The following NFIB variants were observed in gnomAD, a reference collection of about 807,000 sequenced individuals.
NFIB encodes nuclear factor I B, also known as nuclear factor 1 B-type.
Under a neutral mutation model 61.5 loss-of-function variants are expected in NFIB, and 11 were observed. The ratio of observed to expected loss-of-function variants is 0.18; its 90% CI spans 0.11 to 0.30. The LOEUF (loss-of-function observed/expected upper bound fraction) is 0.30. Ranked by LOEUF, NFIB falls within the 10% of genes least tolerant of loss-of-function variation. NFIB has a pLI of 1.00. For synonymous variants in NFIB, 260 were observed against 216.5 expected, an observed-to-expected ratio of 1.20 and a Z score of -1.76; for missense variants, 471 against 608.9, an observed-to-expected ratio of 0.77 and a Z score of 2.38.
At chr9:14,513,862 T>C in the NFIB span, among the ~76,000 whole-genome samples, 2 of 152,142 alleles carry the variant, frequency 1.3e-5, no homozygotes, top group Admixed American at 1.3e-4. Flanking sequence ...TAATGTCCAC[T>C]TCAGAGTTTT....
intron 10 of NFIB, among the ~76,000 whole-genome samples, chr9:14,106,292 TC>T (rs1461157272): frequency 6.6e-6 from 1 of 152,110 alleles, no homozygotes; most frequent in Non-Finnish European, 1.5e-5. Context: ...AAATGCACAC[TC>T]ATATAAATCA....
At chr9:14,167,360 T>A (rs775766167) in intron 3 of NFIB, among the ~76,000 whole-genome samples, 2 of 152,022 alleles carry the variant, frequency 1.3e-5, no homozygotes, top group Admixed American at 1.3e-4. Context: ...CTGGACAACA[T>A]AGCGAAACCC....
the NFIB span, among the ~76,000 whole-genome samples, chr9:14,514,001 G>A: frequency 0.057 from 8,696 of 152,066 alleles, 275 homozygotes; most frequent in Non-Finnish European, 0.066. Context: ...TCTGAATGTC[G>A]CTTACCTCAG....
the NFIB span, among the ~76,000 whole-genome samples, chr9:14,434,823 T>C: frequency 2.0e-4 from 31 of 152,238 alleles, no homozygotes; most frequent in Non-Finnish European, 2.2e-4. Context: ...TGCACAGGAA[T>C]ACCTAATCAA....
chr9:14,434,934 G>A, the NFIB span, among the ~76,000 whole-genome samples: 1 of 152,334 alleles, frequency 6.6e-6, no homozygotes, highest in Middle Eastern at 3.4e-3. Context: ...AGAACCTCAT[G>A]CATGTATTGA....
chr9:14,172,149 G>A (rs2045634419), intron 3 of NFIB, among the ~76,000 whole-genome samples: 2 of 152,226 alleles, frequency 1.3e-5, no homozygotes, highest in African/African-American at 4.8e-5. Flanking sequence ...AGTGGGGACA[G>A]AAGCTGAGAA....
chr9:14,121,801 A>G (rs1176640915), intron 7 of NFIB, among the ~76,000 whole-genome samples: 6 of 152,168 alleles, frequency 3.9e-5, no homozygotes, highest in Non-Finnish European at 8.8e-5. Flanking sequence ...TATAAAACAC[A>G]TGCAATGTGG....
chr9:14,227,216 T>C (rs2052545278), intron 2 of NFIB, among the ~76,000 whole-genome samples: 1 of 151,622 alleles, frequency 6.6e-6, no homozygotes, highest in Non-Finnish European at 1.5e-5. Flanking sequence ...AGAAAACTAC[T>C]ACCAATTTTA....
rs916553220 is a variant in NFIB at position 14,294,267 on chromosome 9, A to G, written c.562+12722T>C. Reference sequence around the variant, plus strand: ...GAACAGAAATTGTTACATGATAACTATAAGTCATATCCTAAAATGTTGATG... The same window carrying G: ...GAACAGAAATTGTTACATGATAACTGTAAGTCATATCCTAAAATGTTGATG... On this transcript the variant is annotated intron_variant, in intron 2 of 10. Coordinates refer to ENST00000380953, the MANE Select transcript of NFIB (RefSeq NM_001190737.2). 3.9e-5 allele frequency among the ~76,000 whole-genome samples: 6 copies of G among 152,248 alleles called. No individual in the cohort carries two copies. In the East Asian group the frequency reaches 5.8e-4, roughly 15 times the overall value.
chr9:14,518,338 A>G, the NFIB span, among the ~76,000 whole-genome samples: 10 of 152,140 alleles, frequency 6.6e-5, no homozygotes, highest in African/African-American at 2.2e-4. Flanking sequence ...GAGCAAGGTT[A>G]CCTTGAGAAC....
chr9:14,431,391 G>A, the NFIB span, among the ~76,000 whole-genome samples: 1 of 152,130 alleles, frequency 6.6e-6, no homozygotes, highest in Non-Finnish European at 1.5e-5. Context: ...CAATGGTAAA[G>A]AGTCCTTTTG....
chr9:14,513,615 G>A, the NFIB span, among the ~76,000 whole-genome samples: 2 of 131,504 alleles, frequency 1.5e-5, no homozygotes, highest in African/African-American at 2.9e-5. Context: ...GTGACAGAGC[G>A]AGACTCCATC....
chr9:14,277,656 G>T (rs533752742), intron 2 of NFIB, among the ~76,000 whole-genome samples: 2 of 152,266 alleles, frequency 1.3e-5, no homozygotes, highest in African/African-American at 4.8e-5. Context: ...TAGATTAGAA[G>T]CCAAAGGAAT....
chr9:14,473,189 T>G, the NFIB span, among the ~76,000 whole-genome samples: 3 of 152,206 alleles, frequency 2.0e-5, no homozygotes, highest in African/African-American at 4.8e-5. Context: ...GCAGAAACAC[T>G]GAAGGACAGG....
chr9:14,517,049 C>T, the NFIB span, among the ~76,000 whole-genome samples: 3 of 152,198 alleles, frequency 2.0e-5, no homozygotes, highest in Admixed American at 6.5e-5. Flanking sequence ...TTATGGGTTT[C>T]CTCTCTGAGC....
chr9:14,381,148 G>T (rs1229058202), intron 1 of NFIB, among the ~76,000 whole-genome samples: 1 of 149,478 alleles, frequency 6.7e-6, no homozygotes, highest in Non-Finnish European at 1.5e-5. Flanking sequence ...GTGTGAATCT[G>T]TACACCATCA....
At chr9:14,306,398 G>T (rs2060019856) in intron 2 of NFIB, among the ~76,000 whole-genome samples, 1 of 152,102 alleles carries the variant, frequency 6.6e-6, no homozygotes, top group Non-Finnish European at 1.5e-5. Context: ...ACAATCAAAA[G>T]TGATGATAGA....
At chr9:14,457,588 T>G in the NFIB span, among the ~76,000 whole-genome samples, 1 of 149,966 alleles carries the variant, frequency 6.7e-6, no homozygotes, top group African/African-American at 2.5e-5. Context: ...GTTTTTTTTT[T>G]GAAAAGATCA....
At chr9:14,517,224 C>A in the NFIB span, among the ~76,000 whole-genome samples, 1 of 152,176 alleles carries the variant, frequency 6.6e-6, no homozygotes, top group Non-Finnish European at 1.5e-5. Context: ...CTCCAAATTT[C>A]CCCCCACCAA....
Sources: allele counts gnomAD v4.1 joint callset (sites outside exome capture counted in the v4.1 genomes callset), GRCh38; gene constraint gnomAD v4.1.1; transcripts MANE v1.5; gene names NCBI Gene and HGNC (gene_info 2026-07-23, HGNC 2026-07-21).